SPHKAP: variants seen among roughly 807,000 people sequenced by gnomAD.
SPHKAP encodes the protein SPHK1 interactor, AKAP domain containing, also known as A-kinase anchor protein SPHKAP.
Under a neutral mutation model 137.5 loss-of-function variants are expected in SPHKAP, and 67 were observed. That is an observed-to-expected ratio of 0.49 (90% CI 0.40 to 0.60). The LOEUF is 0.60. Ranked by LOEUF, SPHKAP falls within the 20% of genes least tolerant of loss-of-function variation. The pLI, the probability that SPHKAP is intolerant of heterozygous loss-of-function variation, is 0.00. For synonymous variants in SPHKAP, 813 were observed against 785.3 expected (o/e 1.04, Z -0.59); for missense variants, 2,097 against 2,069.3 (o/e 1.01, Z -0.26).
At chr2:228,145,985 G>A (rs530542576) in intron 1 of SPHKAP, among the ~76,000 whole-genome samples, 11 of 152,082 alleles carry the variant, frequency 7.2e-5, no homozygotes, top group East Asian at 3.9e-4. Flanking sequence ...CATGATCCTC[G>A]GATAACAAAC....
intron 3 of SPHKAP, among the ~76,000 whole-genome samples, chr2:228,051,944 G>A (rs62201069): frequency 0.045 from 6,773 of 151,938 alleles, 242 homozygotes; most frequent in Non-Finnish European, 0.059. Flanking sequence ...ACCCCCAAAC[G>A]CCCCACCTTC....
At chr2:227,988,805 T>C (rs1339163786) in intron 11 of SPHKAP, among the ~76,000 whole-genome samples, 4 of 152,208 alleles carry the variant, frequency 2.6e-5, no homozygotes, top group African/African-American at 9.7e-5. Context: ...ATGATTATGC[T>C]TTTTTATTGC....
chr2:228,015,573 G>A (rs1022991027), intron 7 of SPHKAP, among the ~76,000 whole-genome samples: 2 of 152,226 alleles, frequency 1.3e-5, no homozygotes, highest in Admixed American at 6.5e-5. Context: ...AATATAAGGT[G>A]TAAAAGGAAT....
chr2:228,032,978 C>G (rs1302562592), intron 3 of SPHKAP, among the ~76,000 whole-genome samples: 5 of 152,080 alleles, frequency 3.3e-5, no homozygotes, highest in African/African-American at 1.2e-4. Context: ...AACTAACGAG[C>G]AAAATAACCA....
intron 2 of SPHKAP, among the ~76,000 whole-genome samples, chr2:228,112,693 G>A (rs1186756968): frequency 6.6e-6 from 1 of 152,100 alleles, no homozygotes; most frequent in African/African-American, 2.4e-5. Context: ...GAGAAGAGCT[G>A]GCTACCTGTG....
intron 3 of SPHKAP, among the ~76,000 whole-genome samples, chr2:228,093,711 A>C (rs951349132): frequency 1.6e-5 from 2 of 128,696 alleles, no homozygotes; most frequent in Non-Finnish European, 3.4e-5. Context: ...TGGAAAAATT[A>C]GCTGAGAGTG....
At chr2:227,994,559 A>G (rs1406377344) in intron 8 of SPHKAP, among the ~76,000 whole-genome samples, 2 of 151,514 alleles carry the variant, frequency 1.3e-5, no homozygotes, top group African/African-American at 2.4e-5. Context: ...GTACTCTAAA[A>G]GTAGAAAATA....
At chr2:228,101,173 C>A (rs1673577793) in intron 3 of SPHKAP, among the ~76,000 whole-genome samples, 1 of 152,112 alleles carries the variant, frequency 6.6e-6, no homozygotes, top group African/African-American at 2.4e-5. Context: ...CAGCATCATC[C>A]CCACTTCCTA....
At chr2:228,037,005 C>T (rs1052664361) in intron 3 of SPHKAP, among the ~76,000 whole-genome samples, 25 of 151,900 alleles carry the variant, frequency 1.6e-4, no homozygotes, top group Admixed American at 5.9e-4. Context: ...GCACATTGTG[C>T]GCATGTACCC....
intron 3 of SPHKAP, among the ~76,000 whole-genome samples, chr2:228,071,093 G>T (rs1251001030): frequency 6.6e-6 from 1 of 152,124 alleles, no homozygotes. Context: ...ACAACCAAAA[G>T]ACTGGAAGCT....
chr2:228,142,306 C>T (rs530327946), intron 1 of SPHKAP, among the ~76,000 whole-genome samples: 2 of 150,262 alleles, frequency 1.3e-5, no homozygotes, highest in African/African-American at 2.5e-5. Context: ...AATTTTGTTG[C>T]TCTCTGAAAT....
At chr2:228,128,250 G>A (rs1245286958) in intron 2 of SPHKAP, among the ~76,000 whole-genome samples, 4 of 152,118 alleles carry the variant, frequency 2.6e-5, no homozygotes, top group South Asian at 2.1e-4. Context: ...TTAAGTTTAC[G>A]TAATATTCTG....
At chr2:228,105,715 G>A (rs1264827527) in intron 3 of SPHKAP, among the ~76,000 whole-genome samples, 1 of 152,102 alleles carries the variant, frequency 6.6e-6, no homozygotes, top group South Asian at 2.1e-4. Context: ...AGTCTCACAA[G>A]AGCTGATGTA....
rs1420565822 is a variant in SPHKAP at position 228,017,644 on chromosome 2, C to A, written c.3210G>T (p.Leu1070=). The A allele has an allele frequency of 1.2e-6, 2 of 1,613,986 alleles. No individual in the cohort carries two copies. The highest frequency in any genetic ancestry group is 1.1e-5 in the South Asian group (1 of 91,076). Reference sequence around the variant, plus strand: ...TCAGCCGGCTCCACCTGTCGCCACTCAGTAACCGATTCCGGGGATAGCCCT... The same window carrying A: ...TCAGCCGGCTCCACCTGTCGCCACTAAGTAACCGATTCCGGGGATAGCCCT... ...QAQGYPRNRL[L]SGDRWSRLKA... is the part of the protein sequence containing the mutation. The change falls in exon 7 of 12, where the codon CTG becomes CTT. Residue 1070 remains leucine (L), a synonymous_variant. Transcript: ENST00000392056.
chr2:228,170,173 A>G (rs1700541600), intron 1 of SPHKAP, among the ~76,000 whole-genome samples: 1 of 152,146 alleles, frequency 6.6e-6, no homozygotes, highest in Non-Finnish European at 1.5e-5. Flanking sequence ...ATAAAACTTG[A>G]ACAAATGAGG....
intron 1 of SPHKAP, among the ~76,000 whole-genome samples, chr2:228,135,531 G>A (rs1363876968): frequency 6.6e-6 from 1 of 152,182 alleles, no homozygotes; most frequent in African/African-American, 2.4e-5. Flanking sequence ...TCTAATAGAA[G>A]GAAGTAATGG....
Position 228,181,657 on chromosome 2 carries a change from T to C in SPHKAP, c.-59A>G, listed in dbSNP as rs1052238715. On this transcript the variant is annotated 5_prime_UTR_variant, in exon 1 of 12. Coordinates refer to ENST00000392056, the MANE Select transcript of SPHKAP (RefSeq NM_001142644.2). This position sits in a 1 kb window ranked among gnomAD's most constrained non-coding sequence, Gnocchi z 4.3. ...GTGCAGGCGAAGGATAAGTCTGTGG[T>C]GCTAGGACCCAGCTCCCAGAGTGCC... The C allele has an allele frequency of 2.4e-5, 39 of 1,613,824 alleles. No homozygotes were observed. The highest frequency in any genetic ancestry group is 3.2e-5 in the Non-Finnish European group (38 of 1,179,940).
At chr2:228,106,908 T>C (rs377719740) in intron 3 of SPHKAP, among the ~76,000 whole-genome samples, 1 of 152,186 alleles carries the variant, frequency 6.6e-6, no homozygotes, top group Admixed American at 6.5e-5. Flanking sequence ...TTCCTTTAGG[T>C]TTAGAGTCCT....
chr2:228,084,663 C>T (rs1324076152), intron 3 of SPHKAP, among the ~76,000 whole-genome samples: 1 of 152,132 alleles, frequency 6.6e-6, no homozygotes, highest in Non-Finnish European at 1.5e-5. Context: ...ATGCTAAAAA[C>T]CCAAGTGAAC....
Sources: gnomAD v4.1 joint callset for allele counts (sites outside exome capture counted in the v4.1 genomes callset) on GRCh38, gnomAD v4.1.1 for gene constraint, Gnocchi (gnomAD v3.1) non-coding constraint, MANE v1.5 for transcripts, NCBI Gene and HGNC (gene_info 2026-07-23, HGNC 2026-07-21) for gene names.